Variants in VPS50 observed in about 807,000 individuals in gnomAD.
VPS50 encodes syndetin.
In VPS50, 70 loss-of-function variants were observed where a neutral mutation model predicts 139.7. That is an observed-to-expected ratio of 0.50 (90% CI 0.41 to 0.61). VPS50 has a LOEUF of 0.61. VPS50 is among the 20% of genes least tolerant of loss of function. The pLI is 0.00. For synonymous variants in VPS50, 365 were observed against 376.7 expected, an observed-to-expected ratio of 0.97 and a Z score of 0.36; for missense variants, 921 against 1,133.7, an observed-to-expected ratio of 0.81 and a Z score of 2.69.
chr7:93,257,772 T>TCA, intron 6 of VPS50: 1 of 248,518 alleles, frequency 4.0e-6, no homozygotes, highest in Non-Finnish European at 7.5e-6. Flanking sequence ...GGCTGTGATT[T>TCA]TTTAAAAATG....
At chr7:93,339,347 G>C (rs1341831468) in intron 22 of VPS50, among the ~76,000 whole-genome samples, 2 of 148,312 alleles carry the variant, frequency 1.3e-5, no homozygotes, top group African/African-American at 4.9e-5. Context: ...AAAAAAAACA[G>C]AACTAAAGAA....
chr7:93,293,886 A>G (rs1796720765), intron 13 of VPS50, among the ~76,000 whole-genome samples: 1 of 152,184 alleles, frequency 6.6e-6, no homozygotes, highest in Non-Finnish European at 1.5e-5. Context: ...ACTGGTTATC[A>G]GTGGATAACT....
chr7:93,324,683 C>G (rs1025936439), intron 21 of VPS50, among the ~76,000 whole-genome samples: 11 of 152,086 alleles, frequency 7.2e-5, no homozygotes, highest in Non-Finnish European at 1.5e-4. Flanking sequence ...TGAGTGAACT[C>G]CCATTCACAA....
intron 12 of VPS50, among the ~76,000 whole-genome samples, chr7:93,286,082 G>A (rs3802059): frequency 0.53 from 79,846 of 151,890 alleles, 24,968 homozygotes; most frequent in African/African-American, 0.88. Context: ...TCACTTTACA[G>A]TCTTTGCTAA....
chr7:93,360,586 T>C lies in VPS50; in HGVS notation c.*2150T>C, dbSNP rs939493107. On this transcript the variant is annotated 3_prime_UTR_variant, in exon 28 of 28. Transcript: ENST00000305866. Reference sequence around the variant, plus strand: ...CCATGTAACATTTTATGAAACTAATTTTCAGATAAATACAATTGAAAAGCT... The same window carrying C: ...CCATGTAACATTTTATGAAACTAATCTTCAGATAAATACAATTGAAAAGCT... The C allele has an allele frequency of 3.9e-5, 6 of 152,022 alleles. No individual in the cohort carries two copies. The allele number at this position is 152,022 out of a possible 1,614,324, so 9.4% of individuals were successfully genotyped here.
At chr7:93,234,915 A>G (rs1484399850) in intron 1 of VPS50, among the ~76,000 whole-genome samples, 1 of 149,872 alleles carries the variant, frequency 6.7e-6, no homozygotes, top group Admixed American at 6.6e-5. Flanking sequence ...TTATTGAGCA[A>G]TTTGTGCCAG....
chr7:93,341,394 T>C (rs746979424), intron 22 of VPS50, 33 bp from the exon 23 acceptor site: 1 of 1,512,566 alleles, frequency 6.6e-7, no homozygotes, highest in Non-Finnish European at 9.0e-7. Flanking sequence ...GTTAGATTTG[T>C]TATTCCAGGT....
At chr7:93,235,100 C>T (rs1314042411) in intron 1 of VPS50, among the ~76,000 whole-genome samples, 1 of 151,952 alleles carries the variant, frequency 6.6e-6, no homozygotes, top group East Asian at 1.9e-4. Context: ...TATAAAAAAA[C>T]CTGAAGGGGG....
intron 20 of VPS50, among the ~76,000 whole-genome samples, chr7:93,313,288 G>T (rs1797325940): frequency 6.6e-6 from 1 of 152,110 alleles, no homozygotes; most frequent in South Asian, 2.1e-4. Flanking sequence ...AAGTGGGCAG[G>T]GCTGTATATT....
At position 93,297,194 on chromosome 7, in the gene VPS50, C is replaced by T. The variant is rs376939967; in HGVS notation, c.1312C>T (p.Gln438Ter). 3.2e-6 allele frequency: 5 copies of T among 1,565,614 alleles called. No individual in the cohort carries two copies. Among genetic ancestry groups the T allele is most frequent in the Non-Finnish European group, 4.3e-6 (5 of 1,165,046 alleles). The change falls in exon 16 of 28, where the codon CAG becomes TAG. Residue 438 changes from glutamine (Q) to a stop codon, truncating the protein, a stop_gained. Transcript: ENST00000305866. LOFTEE classifies it high-confidence loss of function. ...EFCGSKSEVLQESIRKQSVNY... is the reference protein window; with the variant it reads ...EFCGSKSEVL ...TTGTGGTAGCAAGTCTGAAGTTTTACAGGAATCTATTAGAAAACAAAGTGT... is the reference window on the plus strand; with the variant it reads ...TTGTGGTAGCAAGTCTGAAGTTTTATAGGAATCTATTAGAAAACAAAGTGT...
At chr7:93,246,543 C>T (rs1278905210) in intron 2 of VPS50, among the ~76,000 whole-genome samples, 2 of 151,496 alleles carry the variant, frequency 1.3e-5, no homozygotes, top group Non-Finnish European at 3.0e-5. Context: ...TATGAGATTC[C>T]AAGCTGTTAT....
chr7:93,284,905 A>T (rs1056182694), intron 12 of VPS50, among the ~76,000 whole-genome samples: 1 of 152,216 alleles, frequency 6.6e-6, no homozygotes, highest in Non-Finnish European at 1.5e-5. Context: ...TAAGATAATC[A>T]TATTTCATAC....
Position 93,360,845 on chromosome 7 carries a change from G to A in VPS50, c.*2409G>A, listed in dbSNP as rs992380081. 2 of 151,878 alleles carry A rather than the reference G, an allele frequency of 1.3e-5. No homozygotes were observed. Among genetic ancestry groups the A allele is most frequent in the East Asian group, 3.9e-4 (2 of 5,184 alleles). 9.4% of individuals were successfully genotyped at this position (151,878 alleles called of 1,614,324 possible). A position where few individuals can be genotyped will look rare whatever the true frequency, so the allele number is the denominator to read the frequency against. On this transcript the variant is annotated 3_prime_UTR_variant, in exon 28 of 28. Coordinates refer to ENST00000305866, the MANE Select transcript of VPS50 (RefSeq NM_017667.4). ...CATAGCAATTCAAATGAACTAGTTT[G>A]CTTTGGTTTATAAAACCAACAGAGA...
At chr7:93,337,915 T>C (rs1455563810) in intron 22 of VPS50, among the ~76,000 whole-genome samples, 1 of 152,134 alleles carries the variant, frequency 6.6e-6, no homozygotes, top group Non-Finnish European at 1.5e-5. Flanking sequence ...TGCTTTGTTA[T>C]GATGTAACCA....
chr7:93,311,160 A>G lies in VPS50; in HGVS notation c.1749-6A>G. 1 of 1,078,664 alleles carries G rather than the reference A, an allele frequency of 9.3e-7. No individual in the cohort carries two copies. Among genetic ancestry groups the G allele is most frequent in the Non-Finnish European group, 1.4e-6 (1 of 691,136 alleles). 66.8% of individuals were successfully genotyped at this position (1,078,664 alleles called of 1,614,324 possible). On this transcript the variant is annotated splice_polypyrimidine_tract_variant and splice_region_variant and intron_variant, in intron 19 of 27. Transcript: ENST00000305866. ...TAGCAACTCTGTTTTGTTTTTCCAT[A>G]TCAAGTGTTTCTCGGGAAACTCTAA...
In VPS50 at chr7:93,315,734, C is replaced by A. The variant is rs563220961; in HGVS notation, c.1855+4462C>A. ...GAACTACTTATTCATATCCACTGCT[C>A]ATTTTTATATAATAAGGAAATTATA... On this transcript the variant is annotated intron_variant, in intron 20 of 27. Transcript: ENST00000305866. Among the ~76,000 whole-genome samples the A allele has an allele frequency of 1.7e-3, 252 of 152,178 alleles. 1 individual carries two copies. The highest frequency in any genetic ancestry group is 3.4e-3 in the Middle Eastern group (1 of 294).
intron 12 of VPS50, among the ~76,000 whole-genome samples, chr7:93,282,030 C>T (rs1796343351): frequency 6.6e-6 from 1 of 151,978 alleles, no homozygotes; most frequent in African/African-American, 2.4e-5. Flanking sequence ...CGGTGAAACC[C>T]TGTCTCTACT....
At chr7:93,284,893 C>G (rs1306920859) in intron 12 of VPS50, among the ~76,000 whole-genome samples, 1 of 152,140 alleles carries the variant, frequency 6.6e-6, no homozygotes, top group Non-Finnish European at 1.5e-5. Flanking sequence ...CTGGAAACTT[C>G]TTAAGATAAT....
chr7:93,288,596 G>T (rs1386874755), intron 12 of VPS50, among the ~76,000 whole-genome samples: 1 of 152,144 alleles, frequency 6.6e-6, no homozygotes, highest in Non-Finnish European at 1.5e-5. Flanking sequence ...CATCAGCAAT[G>T]TATGAGAGTG....
Sources: gnomAD v4.1 joint callset for allele counts (sites outside exome capture counted in the v4.1 genomes callset) on GRCh38, gnomAD v4.1.1 for gene constraint, MANE v1.5 for transcripts, NCBI Gene and HGNC (gene_info 2026-07-23, HGNC 2026-07-21) for gene names.